The following PLPPR1 variants were observed in gnomAD, a reference collection of about 807,000 sequenced individuals.
PLPPR1 encodes the protein phospholipid phosphatase related 1, also known as phospholipid phosphatase-related protein type 1.
A neutral mutation model predicts 33.1 loss-of-function variants in PLPPR1; 10 were observed. The ratio of observed to expected loss-of-function variants is 0.30; its 90% CI spans 0.19 to 0.51. The LOEUF (loss-of-function observed/expected upper bound fraction) is 0.51, where lower values mean the gene tolerates loss of function less well. Among genes scored for constraint, PLPPR1 ranks in the 20% least tolerant of loss-of-function variants. PLPPR1 has a pLI of 0.97. For synonymous variants in PLPPR1, 151 were observed against 151.0 expected, an observed-to-expected ratio of 1.00 and a Z score of 0.00; for missense variants, 304 against 408.1, an observed-to-expected ratio of 0.74 and a Z score of 2.20.
At chr9:101,292,183 G>A (rs1828523276) in intron 4 of PLPPR1, among the ~76,000 whole-genome samples, 2 of 152,152 alleles carry the variant, frequency 1.3e-5, no homozygotes, top group Non-Finnish European at 2.9e-5. Context: ...CTGGAAGAAA[G>A]GGTATCAGCA....
chr9:101,223,800 C>A lies in PLPPR1; in HGVS notation c.63+38243C>A, dbSNP rs1051102028. 3.3e-5 allele frequency among the ~76,000 whole-genome samples: 5 copies of A among 151,916 alleles called. No homozygotes were observed. The South Asian group carries it at 6.2e-4, about 19-fold the overall frequency. ...TAAACCTCTTTTCTTTATAAATTAC[C>A]CAGTCTGAAGTATTTCTTCGTAGCT... On this transcript the variant is annotated intron_variant, in intron 2 of 7. Coordinates refer to ENST00000374874, the MANE Select transcript of PLPPR1 (RefSeq NM_207299.2).
intron 1 of PLPPR1, among the ~76,000 whole-genome samples, chr9:101,094,112 A>G (rs1217441852): frequency 6.6e-6 from 1 of 152,102 alleles, no homozygotes; most frequent in Non-Finnish European, 1.5e-5. Flanking sequence ...TATTCTTCAT[A>G]TGGTAGCCAG....
chr9:101,268,115 G>A (rs566175230), intron 2 of PLPPR1, among the ~76,000 whole-genome samples: 1 of 151,980 alleles, frequency 6.6e-6, no homozygotes, highest in Non-Finnish European at 1.5e-5. Context: ...GGGTAGGGGA[G>A]GGGGGAGAGA....
chr9:101,300,074 CAA>C (rs10566570), intron 4 of PLPPR1, among the ~76,000 whole-genome samples: 15,838 of 152,072 alleles, frequency 0.1, 1,007 homozygotes, highest in African/African-American at 0.16. Flanking sequence ...ATTCATATAA[CAA>C]AACTAGGCAC....
intron 2 of PLPPR1, among the ~76,000 whole-genome samples, chr9:101,225,426 T>C (rs931027972): frequency 3.3e-5 from 5 of 152,152 alleles, no homozygotes; most frequent in Non-Finnish European, 5.9e-5. Context: ...CACCTCTCTG[T>C]GCAGGGCTGA....
chr9:101,319,651 C>T (rs1056735940), intron 7 of PLPPR1, among the ~76,000 whole-genome samples: 8 of 152,066 alleles, frequency 5.3e-5, no homozygotes, highest in African/African-American at 1.9e-4. Context: ...TATATACAGC[C>T]TGTTGCTACA....
chr9:101,292,460 G>T (rs1222375261), intron 4 of PLPPR1, among the ~76,000 whole-genome samples: 1 of 152,042 alleles, frequency 6.6e-6, no homozygotes, highest in Non-Finnish European at 1.5e-5. Flanking sequence ...CATACTCCTC[G>T]AGAAGAGCAA....
At chr9:101,246,107 T>TATAGAG (rs1827606388) in intron 2 of PLPPR1, among the ~76,000 whole-genome samples, 1 of 98,306 alleles carries the variant, frequency 1.0e-5, no homozygotes, top group Non-Finnish European at 2.3e-5. Flanking sequence ...TATATATATA[T>TATAGAG]ATAGATAGAT....
intron 1 of PLPPR1, among the ~76,000 whole-genome samples, chr9:101,169,208 T>C (rs1306095076): frequency 1.3e-5 from 2 of 152,138 alleles, no homozygotes; most frequent in Non-Finnish European, 2.9e-5. Context: ...GTGCTTCAGT[T>C]CTTTCTCCAC....
At chr9:101,226,281 C>G (rs143287479) in intron 2 of PLPPR1, among the ~76,000 whole-genome samples, 1 of 152,246 alleles carries the variant, frequency 6.6e-6, no homozygotes, top group Non-Finnish European at 1.5e-5. Context: ...CCCCTCCTCA[C>G]TCATCCCATT....
chr9:101,245,559 CTATTT>C (rs1408061223), intron 2 of PLPPR1, among the ~76,000 whole-genome samples: 3 of 151,998 alleles, frequency 2.0e-5, no homozygotes, highest in South Asian at 4.2e-4. Flanking sequence ...ATCTAGGTAT[CTATTT>C]TATTATGTGT....
At chr9:101,240,409 A>ACTGTTTTTTTTTTTTTTTTTT (rs1564012614) in intron 2 of PLPPR1, among the ~76,000 whole-genome samples, 14 of 151,784 alleles carry the variant, frequency 9.2e-5, no homozygotes, top group African/African-American at 3.1e-4. Flanking sequence ...AAATTTTAGA[A>ACTGTTTTTTTTTTTTTTTTTT]TTGTTTTTTT....
chr9:101,075,799 A>C (rs766384808), intron 1 of PLPPR1, among the ~76,000 whole-genome samples: 3 of 152,126 alleles, frequency 2.0e-5, no homozygotes, highest in Non-Finnish European at 4.4e-5. Flanking sequence ...AGGGATAGAA[A>C]ATAAAATAGG....
intron 1 of PLPPR1, among the ~76,000 whole-genome samples, chr9:101,091,952 C>T (rs1001764704): frequency 1.7e-4 from 26 of 152,284 alleles, no homozygotes; most frequent in African/African-American, 5.8e-4. Context: ...GCATTCGAAA[C>T]GCCTCCTTCC....
At chr9:101,234,283 G>C (rs1235517216) in intron 2 of PLPPR1, among the ~76,000 whole-genome samples, 1 of 151,902 alleles carries the variant, frequency 6.6e-6, no homozygotes, top group Non-Finnish European at 1.5e-5. Context: ...AGTATAAGGA[G>C]AAGAGGGTGA....
intron 4 of PLPPR1, among the ~76,000 whole-genome samples, chr9:101,308,985 TA>T (rs917829332): frequency 3.0e-4 from 45 of 152,320 alleles, no homozygotes; most frequent in African/African-American, 1.1e-3. Flanking sequence ...GTGCTTTTTC[TA>T]AACTACCGAT....
At chr9:101,263,273 C>T (rs1049197294) in intron 2 of PLPPR1, among the ~76,000 whole-genome samples, 2 of 152,164 alleles carry the variant, frequency 1.3e-5, no homozygotes, top group Non-Finnish European at 2.9e-5. Context: ...GGTCACTATA[C>T]CAGAAGTATT....
At chr9:101,239,729 G>C (rs200498541) in intron 2 of PLPPR1, among the ~76,000 whole-genome samples, 2 of 151,682 alleles carry the variant, frequency 1.3e-5, no homozygotes, top group East Asian at 1.9e-4. Context: ...ATGTCTATTC[G>C]GATCATTTGT....
chr9:101,078,625 A>G (rs1830579399), intron 1 of PLPPR1, among the ~76,000 whole-genome samples: 1 of 151,994 alleles, frequency 6.6e-6, no homozygotes, highest in African/African-American at 2.4e-5. Context: ...CCTGGGAGGT[A>G]GAGGTTGCAG....
Sources: gnomAD v4.1 joint callset for allele counts (sites outside exome capture counted in the v4.1 genomes callset) on GRCh38, gnomAD v4.1.1 for gene constraint, MANE v1.5 for transcripts, NCBI Gene and HGNC (gene_info 2026-07-23, HGNC 2026-07-21) for gene names.